The following TRABD2B variants were observed in gnomAD, a reference collection of about 807,000 sequenced individuals.
TRABD2B encodes TraB domain containing 2B.
Under a neutral mutation model 40.1 loss-of-function variants are expected in TRABD2B, and 14 were observed. The ratio of observed to expected loss-of-function variants is 0.35; its 90% confidence interval spans 0.23 to 0.55. The LOEUF (loss-of-function observed/expected upper bound fraction) is 0.55. Among genes scored for constraint, TRABD2B ranks in the 20% least tolerant of loss-of-function variants. TRABD2B has a pLI of 0.90. For synonymous variants in TRABD2B, 263 were observed against 277.0 expected (o/e 0.95, Z 0.50); for missense variants, 541 against 648.6 (o/e 0.83, Z 1.80).
rs904651645 is a variant in TRABD2B at position 47,994,142 on chromosome 1, G to A, written c.558C>T (p.Leu186=). 1.5e-5 allele frequency: 23 copies of A among 1,536,246 alleles called. No individual in the cohort carries two copies. Among genetic ancestry groups the A allele is most frequent in the South Asian group, 3.6e-5 (3 of 84,064 alleles). Residue 186 remains leucine, a synonymous_variant, in exon 2 of 7, where the codon CTC becomes CTT. Transcript: ENST00000606738. This position sits in a 1 kb window ranked among gnomAD's most constrained non-coding sequence, Gnocchi z 6.7. ...CAGCCTGCTGGGCCAGGTAGAGGTC[G>A]AGCACGGGCACACCACGGAAGCGCA... The part of the protein sequence containing the change: ...RDVRFRGVPV[L]DLYLAQQAEK...
At chr1:47,822,653 A>G (rs1426284100) in intron 2 of TRABD2B, among the ~76,000 whole-genome samples, 1 of 152,216 alleles carries the variant, frequency 6.6e-6, no homozygotes, top group Non-Finnish European at 1.5e-5. Flanking sequence ...TTCATTTGTT[A>G]ATAACTCTTT....
At chr1:47,801,755 G>A in intron 2 of TRABD2B, 136 bp from the exon 3 acceptor site, 1 of 1,122,156 alleles carries the variant, frequency 8.9e-7, no homozygotes, top group Non-Finnish European at 1.2e-6. Context: ...GCACCAGCTG[G>A]CTCAGGCTGT....
intron 2 of TRABD2B, among the ~76,000 whole-genome samples, chr1:47,987,057 G>C (rs1645929295): frequency 1.3e-5 from 2 of 152,222 alleles, no homozygotes; most frequent in South Asian, 4.1e-4. Context: ...TAGGAAAGCT[G>C]CATTACCAGG....
At chr1:47,910,215 A>G (rs911845671) in intron 2 of TRABD2B, among the ~76,000 whole-genome samples, 1 of 152,076 alleles carries the variant, frequency 6.6e-6, no homozygotes, top group African/African-American at 2.4e-5. Context: ...CCATATCAGG[A>G]AGGTATTCTT....
chr1:47,902,565 T>C (rs988684768), intron 2 of TRABD2B, among the ~76,000 whole-genome samples: 1 of 152,236 alleles, frequency 6.6e-6, no homozygotes, highest in Non-Finnish European at 1.5e-5. Context: ...GGCACGATCA[T>C]AGCTCACTGC....
chr1:47,893,349 G>A (rs1407478311), intron 2 of TRABD2B, among the ~76,000 whole-genome samples: 1 of 152,184 alleles, frequency 6.6e-6, no homozygotes, highest in African/African-American at 2.4e-5. Flanking sequence ...GGGGGGCCAG[G>A]CAGAGGGAGT....
intron 2 of TRABD2B, among the ~76,000 whole-genome samples, chr1:47,831,626 A>AT (rs1237443109): frequency 6.6e-6 from 1 of 152,114 alleles, no homozygotes; most frequent in African/African-American, 2.4e-5. Context: ...AGGAGAGTGG[A>AT]TTAATTGGTC....
rs892067057 is a variant in TRABD2B at position 47,775,252 on chromosome 1, G to A, written c.1267C>T (p.Arg423Trp). The change falls in exon 6 of 7, where the codon CGG (arginine) becomes TGG (tryptophan). Residue 423 changes from arginine to tryptophan, a missense_variant. Arg to Trp is a moderately radical substitution (Grantham distance 101). Around this residue, in one of 2 missense-constraint regions of TRABD2B, gnomAD observed 172 missense variants for 155.8 expected, o/e 1.10. Transcript: ENST00000606738. ...TGCCTCTTGTGCCACTTCCTCTGCC[G>A]GCCAAACTCCTCCAGCTGGCTGAGG... is the stretch of plus-strand genomic sequence containing the variant. ...DSLSQLEEFG[R>W]QRKWHKRQST... is the part of the protein sequence containing the mutation. 19 of 1,253,606 alleles carry A rather than the reference G, an allele frequency of 1.5e-5. No individual in the cohort carries two copies. In the Admixed American group the frequency reaches 1.9e-4, roughly 13 times the overall value. 77.7% of individuals were successfully genotyped at this position (1,253,606 alleles called of 1,614,324 possible). A position where few individuals can be genotyped will look rare whatever the true frequency, so the allele number is the denominator to read the frequency against.
intron 2 of TRABD2B, among the ~76,000 whole-genome samples, chr1:47,931,767 C>T (rs1354719504): frequency 6.6e-6 from 1 of 152,138 alleles, no homozygotes; most frequent in Non-Finnish European, 1.5e-5. Context: ...CCCAGCTGCT[C>T]CCTGTCCAAG....
chr1:47,815,440 C>T (rs1412606801), intron 2 of TRABD2B, among the ~76,000 whole-genome samples: 2 of 152,196 alleles, frequency 1.3e-5, no homozygotes, highest in Non-Finnish European at 2.9e-5. Flanking sequence ...CTGCTCCAGC[C>T]TTTTAGCTCC....
intron 2 of TRABD2B, among the ~76,000 whole-genome samples, chr1:47,814,298 T>C (rs769702053): frequency 6.6e-6 from 1 of 152,146 alleles, no homozygotes; most frequent in Admixed American, 6.5e-5. Context: ...GACTTTACTC[T>C]ACGGACAATG....
At chr1:47,781,983 G>A (rs1644530487) in intron 4 of TRABD2B, among the ~76,000 whole-genome samples, 1 of 152,176 alleles carries the variant, frequency 6.6e-6, no homozygotes, top group Admixed American at 6.5e-5. Context: ...CTCCTGCCCA[G>A]TCAATGTGGG....
At chr1:47,972,134 T>C (rs1214734837) in intron 2 of TRABD2B, among the ~76,000 whole-genome samples, 1 of 152,226 alleles carries the variant, frequency 6.6e-6, no homozygotes, top group Non-Finnish European at 1.5e-5. Flanking sequence ...GTATCATTAT[T>C]ATTACAATAA....
intron 2 of TRABD2B, among the ~76,000 whole-genome samples, chr1:47,840,273 C>T (rs1233170461): frequency 6.6e-6 from 1 of 152,222 alleles, no homozygotes; most frequent in Non-Finnish European, 1.5e-5. Flanking sequence ...CTTTCACATA[C>T]ATTGCCTTAA....
chr1:47,934,657 G>C (rs1645083082), intron 2 of TRABD2B, among the ~76,000 whole-genome samples: 1 of 152,238 alleles, frequency 6.6e-6, no homozygotes, highest in Admixed American at 6.5e-5. Context: ...CCCAGACTCA[G>C]AAAATTCCCG....
chr1:47,862,452 T>C (rs74866321), intron 2 of TRABD2B, among the ~76,000 whole-genome samples: 3,583 of 152,194 alleles, frequency 0.024, 115 homozygotes, highest in Admixed American at 0.094. Context: ...ATAATGATGA[T>C]GAACAAGATG....
chr1:47,925,450 G>A (rs1644957304), intron 2 of TRABD2B, among the ~76,000 whole-genome samples: 1 of 152,016 alleles, frequency 6.6e-6, no homozygotes, highest in African/African-American at 2.4e-5. Flanking sequence ...CCAAAGAAAT[G>A]GGAAAAAAAA....
At chr1:47,894,456 G>T (rs1173415429) in intron 2 of TRABD2B, among the ~76,000 whole-genome samples, 1 of 152,184 alleles carries the variant, frequency 6.6e-6, no homozygotes, top group Non-Finnish European at 1.5e-5. Context: ...GCCTCACAGG[G>T]ATTACATTCC....
intron 2 of TRABD2B, among the ~76,000 whole-genome samples, chr1:47,935,452 G>T (rs569622409): frequency 6.6e-6 from 1 of 152,264 alleles, no homozygotes; most frequent in South Asian, 2.1e-4. Flanking sequence ...AGCTTCTGGG[G>T]ACATATCTGA....
Sources: gnomAD v4.1 joint callset for allele counts (sites outside exome capture counted in the v4.1 genomes callset) on GRCh38, gnomAD v4.1.1 for gene constraint, gnomAD v4.1.1 regional missense constraint, Gnocchi (gnomAD v3.1) non-coding constraint, MANE v1.5 for transcripts, NCBI Gene and HGNC (gene_info 2026-07-23, HGNC 2026-07-21) for gene names.